CFH: variants seen among roughly 807,000 people sequenced by gnomAD.
The protein encoded by CFH is complement factor H.
A neutral mutation model predicts 147.3 loss-of-function variants in CFH; 53 were observed. The observed-to-expected ratio is 0.36, with a 90% CI of 0.29 to 0.45. CFH has a LOEUF of 0.45. CFH is among the 20% of genes least tolerant of loss of function. The probability of loss-of-function intolerance (pLI) is 1.00; values close to 1 mark genes in which losing one functional copy is unlikely to be tolerated. For missense variants in CFH, 1,380 were observed against 1,498.0 expected (o/e 0.92, Z 1.30); for synonymous variants, 536 against 489.4 (o/e 1.10, Z -1.26).
chr1:196,714,339 A>G (rs898926197), intron 10 of CFH, among the ~76,000 whole-genome samples: 2 of 151,832 alleles, frequency 1.3e-5, no homozygotes, highest in African/African-American at 2.4e-5. Flanking sequence ...TTTAAACTCT[A>G]TAATTTGTAG....
intron 17 of CFH, among the ~76,000 whole-genome samples, chr1:196,738,079 A>C (rs1391251754): frequency 6.6e-6 from 1 of 152,134 alleles, no homozygotes; most frequent in East Asian, 1.9e-4. Flanking sequence ...GACCAAAGGG[A>C]AAAGGCCCTT....
rs1302039345 is a variant in CFH at position 196,737,468 on chromosome 1, C to T, written c.2597-7C>T. 2 of 1,602,212 alleles carry T rather than the reference C, an allele frequency of 1.2e-6. No homozygotes were observed. The highest frequency in any genetic ancestry group is 1.7e-6 in the Non-Finnish European group (2 of 1,170,646). ...TTTTAACCCTTTGATTTTCATTCTT[C>T]ATTTAGAAAAAATTCCATGTTCACA... is the stretch of plus-strand genomic sequence containing the variant. On this transcript the variant is annotated splice_region_variant and splice_polypyrimidine_tract_variant and intron_variant, in intron 16 of 21. Transcript: ENST00000367429.
chr1:196,723,300 G>T (rs749561063), intron 11 of CFH, among the ~76,000 whole-genome samples: 19 of 152,012 alleles, frequency 1.2e-4, no homozygotes, highest in Non-Finnish European at 1.3e-4. Context: ...TTTGGTTTAG[G>T]TTCTGGGTTC....
intron 10 of CFH, among the ~76,000 whole-genome samples, chr1:196,714,467 G>T (rs996019678): frequency 4.7e-5 from 7 of 150,366 alleles, no homozygotes; most frequent in Non-Finnish European, 8.9e-5. Context: ...CTGCTCTGTT[G>T]TATGATTTCC....
chr1:196,680,239 G>A (rs1387510397), intron 6 of CFH, among the ~76,000 whole-genome samples: 2 of 149,180 alleles, frequency 1.3e-5, no homozygotes, highest in Non-Finnish European at 3.0e-5. Context: ...GAATTAAGTT[G>A]AAGGAAGTGA....
intron 11 of CFH, among the ~76,000 whole-genome samples, chr1:196,720,912 ATTCCC>A (rs1668983113): frequency 6.6e-6 from 1 of 151,996 alleles, no homozygotes. Context: ...ACTAATTTAC[ATTCCC>A]ACCAACAGCG....
intron 11 of CFH, among the ~76,000 whole-genome samples, chr1:196,717,812 G>T (rs970237861): frequency 6.6e-6 from 1 of 152,100 alleles, no homozygotes; most frequent in Non-Finnish European, 1.5e-5. Flanking sequence ...AGCTACTGTG[G>T]AGGTATTGTG....
Position 196,713,650 on chromosome 1 carries a change from AT to A in CFH, c.1337-79del, listed in dbSNP as rs772708678. The A allele has an allele frequency of 8.8e-6, 8 of 903,990 alleles. No individual in the cohort carries two copies. The South Asian group carries it at 1.1e-4, about 13-fold the overall frequency. The allele number at this position is 903,990 out of a possible 1,614,324, so 56.0% of individuals were successfully genotyped here. ...GGTTTTCAGTTACAAATGACTCATT[AT>A]TTTTTATATTTACATATTACTTAAA... is the stretch of plus-strand genomic sequence containing the variant. On this transcript the variant is annotated intron_variant, in intron 9 of 21. Coordinates refer to ENST00000367429, the MANE Select transcript of CFH (RefSeq NM_000186.4).
chr1:196,718,028 A>G (rs1668912850), intron 11 of CFH, among the ~76,000 whole-genome samples: 1 of 152,124 alleles, frequency 6.6e-6, no homozygotes, highest in South Asian at 2.1e-4. Flanking sequence ...TAGGTAGAAT[A>G]GAAAAGTTTT....
chr1:196,730,290 C>G (rs1213751596), intron 15 of CFH, among the ~76,000 whole-genome samples: 1 of 151,792 alleles, frequency 6.6e-6, no homozygotes, highest in Non-Finnish European at 1.5e-5. Flanking sequence ...TGTTTCCATT[C>G]TCCTTTACTG....
At chr1:196,665,616 TA>T (rs1667055556) in intron 1 of CFH, among the ~76,000 whole-genome samples, 2 of 152,116 alleles carry the variant, frequency 1.3e-5, no homozygotes, top group South Asian at 2.1e-4. Context: ...ATTATTATTA[TA>T]TTTTTTTGAG....
chr1:196,660,564 T>C (rs1666864876), intron 1 of CFH, among the ~76,000 whole-genome samples: 1 of 152,136 alleles, frequency 6.6e-6, no homozygotes, highest in African/African-American at 2.4e-5. Context: ...TGATCTGAAC[T>C]AAGATTTTGA....
intron 15 of CFH, among the ~76,000 whole-genome samples, chr1:196,729,732 A>G (rs1456037248): frequency 6.6e-6 from 1 of 151,546 alleles, no homozygotes; most frequent in Non-Finnish European, 1.5e-5. Flanking sequence ...ATTTTCTTTG[A>G]TGGGAAACAT....
At chr1:196,653,159 A>G (rs1294456929) in intron 1 of CFH, among the ~76,000 whole-genome samples, 1 of 151,736 alleles carries the variant, frequency 6.6e-6, no homozygotes, top group Non-Finnish European at 1.5e-5. Flanking sequence ...ATAAAAGCAG[A>G]TATATTCTTA....
intron 11 of CFH, among the ~76,000 whole-genome samples, chr1:196,724,893 A>G (rs983674220): frequency 2.0e-4 from 31 of 152,244 alleles, no homozygotes; most frequent in African/African-American, 7.2e-4. Context: ...TTTACAAATT[A>G]ATTTTTAGAA....
chr1:196,652,675 A>G (rs1450498653), intron 1 of CFH, among the ~76,000 whole-genome samples: 1 of 151,764 alleles, frequency 6.6e-6, no homozygotes, highest in African/African-American at 2.4e-5. Flanking sequence ...GTAGACAAGT[A>G]TTACTTGTAT....
At chr1:196,685,309 T>C (rs888805534) in intron 7 of CFH, 72 bp downstream of exon 7, 2 of 1,424,874 alleles carry the variant, frequency 1.4e-6, no homozygotes, top group Non-Finnish European at 2.0e-6. Flanking sequence ...AAATAGGGAC[T>C]CAATAAAACC....
intron 5 of CFH, chr1:196,678,539 T>C (rs1469908468): frequency 6.6e-6 from 1 of 152,026 alleles, no homozygotes; most frequent in Non-Finnish European, 1.5e-5. Context: ...AAGAACACTT[T>C]GTAACAACAA....
chr1:196,665,664 A>G (rs989822880), intron 1 of CFH, among the ~76,000 whole-genome samples: 25 of 152,030 alleles, frequency 1.6e-4, no homozygotes, highest in African/African-American at 5.6e-4. Context: ...CTGGAGTGCA[A>G]TGGCGTGATC....
Sources: gnomAD v4.1 joint callset for allele counts (sites outside exome capture counted in the v4.1 genomes callset) on GRCh38, gnomAD v4.1.1 for gene constraint, MANE v1.5 for transcripts, NCBI Gene and HGNC (gene_info 2026-07-23, HGNC 2026-07-21) for gene names.